The following BTG4 variants were observed in gnomAD, a reference collection of about 807,000 sequenced individuals.
BTG4 encodes protein BTG4.
In BTG4, 10 loss-of-function variants were observed where a neutral mutation model predicts 19.3. The ratio of observed to expected loss-of-function variants is 0.52; its 90% CI spans 0.32 to 0.88. BTG4 has a LOEUF of 0.88. Among genes scored for constraint, BTG4 ranks in the 40% least tolerant of loss-of-function variants. The probability of loss-of-function intolerance (pLI) is 0.04; values close to 1 mark genes in which losing one functional copy is unlikely to be tolerated. For missense variants in BTG4, 238 were observed against 281.9 expected (o/e 0.84, Z 1.11); for synonymous variants, 91 against 95.7 (o/e 0.95, Z 0.29).
the BTG4 span, among the ~76,000 whole-genome samples, chr11:111,452,993 A>C: frequency 6.6e-6 from 1 of 152,286 alleles, no homozygotes; most frequent in East Asian, 1.9e-4. Context: ...GAGCACAGCA[A>C]GCACATAGGC....
chr11:111,508,855 TATTA>T (rs1353279484), intron 1 of BTG4, among the ~76,000 whole-genome samples: 2 of 150,954 alleles, frequency 1.3e-5, no homozygotes, highest in African/African-American at 2.4e-5. Flanking sequence ...ATAATTAACA[TATTA>T]ATTATCTATA....
chr11:111,438,794 A>T, the BTG4 span, among the ~76,000 whole-genome samples: 37 of 152,328 alleles, frequency 2.4e-4, no homozygotes, highest in Non-Finnish European at 4.6e-4. Context: ...AGGATGCTAA[A>T]GAAGGCGTGA....
chr11:111,491,739 A>AC (rs1376418507), downstream of BTG4, among the ~76,000 whole-genome samples: 1 of 151,146 alleles, frequency 6.6e-6, no homozygotes, highest in Non-Finnish European at 1.5e-5. Context: ...GATCTCAAAA[A>AC]AAAAAAAAAA....
the BTG4 span, among the ~76,000 whole-genome samples, chr11:111,395,649 TC>T: frequency 1.3e-5 from 2 of 152,148 alleles, no homozygotes; most frequent in Non-Finnish European, 2.9e-5. Context: ...ATTAAGCAGT[TC>T]TCCAAAATAT....
chr11:111,454,457 G>A, the BTG4 span: 3 of 375,550 alleles, frequency 8.0e-6, no homozygotes, highest in Non-Finnish European at 1.6e-5. Flanking sequence ...AGGACATAGA[G>A]TCCAAAGAAT....
In BTG4 at chr11:111,495,203, G is replaced by T; in HGVS notation, c.622C>A (p.His208Asn). The change falls in exon 5 of 5, where the codon CAT (histidine) becomes AAT (asparagine). Residue 208 changes from histidine (H) to asparagine (N), a missense_variant. Coordinates refer to ENST00000692032, the MANE Select transcript of BTG4 (RefSeq NM_001367975.1). ...ATAGCAGGCCTGTAACACTTAGGATGCTTCTGCGAGCCATGGTAAGTGTTT... is the reference window on the plus strand; with the variant it reads ...ATAGCAGGCCTGTAACACTTAGGATTCTTCTGCGAGCCATGGTAAGTGTTT... ...LGNTYHGSQK[H>N]PKCYRPAMHR... The T allele has an allele frequency of 6.2e-7, 1 of 1,611,990 alleles. No homozygotes were observed. Among genetic ancestry groups the T allele is most frequent in the Non-Finnish European group, 8.5e-7 (1 of 1,179,166 alleles).
At chr11:111,446,479 A>C in the BTG4 span, among the ~76,000 whole-genome samples, 1 of 152,166 alleles carries the variant, frequency 6.6e-6, no homozygotes, top group Non-Finnish European at 1.5e-5. Context: ...ACCCCAGATC[A>C]CCCATACTGT....
In BTG4 at chr11:111,476,325, A is replaced by G. The variant is rs1003581731; in HGVS notation, c.663-8644T>C. ...TGGTATTCAACATTTTTAGCTCTGT[A>G]GGTCTTTTGTCATAATTAAGAGACA... On this transcript the variant is annotated intron_variant, in intron 5 of 5. Coordinates refer to the BTG4 transcript ENST00000356018. 2.0e-5 allele frequency among the ~76,000 whole-genome samples: 3 copies of G among 152,282 alleles called. No individual in the cohort carries two copies. In the South Asian group the frequency reaches 6.2e-4, roughly 32 times the overall value.
the BTG4 span, among the ~76,000 whole-genome samples, chr11:111,435,954 G>A: frequency 6.6e-6 from 1 of 152,168 alleles, no homozygotes; most frequent in Non-Finnish European, 1.5e-5. Flanking sequence ...GACCTCCCCC[G>A]CAGAAGAGTT....
chr11:111,385,479 G>A, the BTG4 span: 1 of 151,872 alleles, frequency 6.6e-6, no homozygotes, highest in East Asian at 1.9e-4. Flanking sequence ...AAAATTATAG[G>A]CCATCTAATT....
the BTG4 span, among the ~76,000 whole-genome samples, chr11:111,434,423 G>A: frequency 0.021 from 3,185 of 152,304 alleles, 44 homozygotes; most frequent in Middle Eastern, 0.031. Flanking sequence ...GGGAGGGATA[G>A]CGTTGGGAGA....
chr11:111,454,007 T>C, the BTG4 span, among the ~76,000 whole-genome samples: 8 of 152,294 alleles, frequency 5.3e-5, no homozygotes, highest in African/African-American at 1.9e-4. Flanking sequence ...TAGATATGAA[T>C]TTCCTGGGGA....
the BTG4 span, among the ~76,000 whole-genome samples, chr11:111,387,542 C>A: frequency 6.6e-6 from 1 of 152,192 alleles, no homozygotes; most frequent in Non-Finnish European, 1.5e-5. Flanking sequence ...CCACAGCAGG[C>A]TGGAAGGTGC....
chr11:111,421,961 T>C, the BTG4 span, among the ~76,000 whole-genome samples: 1 of 151,208 alleles, frequency 6.6e-6, no homozygotes, highest in East Asian at 1.9e-4. Flanking sequence ...TTTTTCGTGA[T>C]ACCATTGAGA....
At chr11:111,476,659 T>C (rs1864415499) in intron 5 of BTG4, among the ~76,000 whole-genome samples, 1 of 152,166 alleles carries the variant, frequency 6.6e-6, no homozygotes, top group Non-Finnish European at 1.5e-5. Context: ...CCTCATTAGT[T>C]ACCATTTTGA....
chr11:111,451,834 C>T, the BTG4 span, among the ~76,000 whole-genome samples: 1 of 152,158 alleles, frequency 6.6e-6, no homozygotes, highest in African/African-American at 2.4e-5. Flanking sequence ...CCCTGATGTC[C>T]CTATCAGTTT....
upstream of BTG4, chr11:111,514,599 T>A: frequency 1.7e-6 from 1 of 604,650 alleles, no homozygotes; most frequent in Non-Finnish European, 2.9e-6. Flanking sequence ...GGACTGGTCC[T>A]AAAACCTGAT....
the BTG4 span, among the ~76,000 whole-genome samples, chr11:111,390,517 T>C: frequency 3.2e-4 from 49 of 152,278 alleles, no homozygotes; most frequent in African/African-American, 1.1e-3. Context: ...GGGATAAAGA[T>C]AAAAACTATC....
chr11:111,424,651 T>C, the BTG4 span, among the ~76,000 whole-genome samples: 2 of 152,232 alleles, frequency 1.3e-5, no homozygotes, highest in Non-Finnish European at 2.9e-5. Context: ...CACTTAAGCA[T>C]TTGTTTATTA....
Sources: allele counts gnomAD v4.1 joint callset (sites outside exome capture counted in the v4.1 genomes callset), GRCh38; gene constraint gnomAD v4.1.1; transcripts MANE v1.5; gene names NCBI Gene and HGNC (gene_info 2026-07-23, HGNC 2026-07-21).